WHRN: variants seen among roughly 807,000 people sequenced by gnomAD.
WHRN encodes the protein whirlin.
A neutral mutation model predicts 68.3 loss-of-function variants in WHRN; 41 were observed. The observed-to-expected ratio is 0.60, with a 90% confidence interval of 0.47 to 0.78. The LOEUF (loss-of-function observed/expected upper bound fraction) is 0.78. Ranked by LOEUF, WHRN falls within the 30% of genes least tolerant of loss-of-function variation. The pLI is 0.00. For missense variants in WHRN, 1,243 were observed against 1,244.7 expected (o/e 1.00, Z 0.02); for synonymous variants, 560 against 561.3 (o/e 1.00, Z 0.03).
chr9:114,419,078 G>T (rs978560734), intron 7 of WHRN, among the ~76,000 whole-genome samples: 1 of 152,192 alleles, frequency 6.6e-6, no homozygotes, highest in Non-Finnish European at 1.5e-5. Flanking sequence ...GCTTAACAGG[G>T]AGCTGGTGAG....
intron 1 of WHRN, among the ~76,000 whole-genome samples, chr9:114,490,521 T>G (rs1231086288): frequency 6.6e-6 from 1 of 150,836 alleles, no homozygotes; most frequent in Non-Finnish European, 1.5e-5. Context: ...AAAGAAAAAG[T>G]TTTTTTTAAA....
At chr9:114,431,616 G>C (rs1294736621) in intron 3 of WHRN, among the ~76,000 whole-genome samples, 1 of 152,074 alleles carries the variant, frequency 6.6e-6, no homozygotes, top group Non-Finnish European at 1.5e-5. Flanking sequence ...GTTGGTGTGA[G>C]TGAATTTGGA....
chr9:114,425,385 T>G, intron 4 of WHRN: 2 of 575,728 alleles, frequency 3.5e-6, no homozygotes, highest in Non-Finnish European at 6.2e-6. Flanking sequence ...TAGGGGCCGG[T>G]GAACTGGAGA....
chr9:114,473,818 A>G (rs974842036), intron 2 of WHRN, among the ~76,000 whole-genome samples: 2 of 152,238 alleles, frequency 1.3e-5, no homozygotes, highest in Non-Finnish European at 2.9e-5. Flanking sequence ...CAAGGGCCCC[A>G]GGCTGAGCCA....
At chr9:114,423,578 C>G (rs1255700974) in intron 6 of WHRN, 55 bp from the exon 7 acceptor site, 2 of 1,524,808 alleles carry the variant, frequency 1.3e-6, no homozygotes, top group African/African-American at 2.8e-5. Flanking sequence ...GAAGGTGGAA[C>G]AGGGGCCCTG....
chr9:114,477,899 G>C (rs1841783066), intron 2 of WHRN, among the ~76,000 whole-genome samples: 1 of 152,168 alleles, frequency 6.6e-6, no homozygotes, highest in East Asian at 1.9e-4. Context: ...AGGCCAGTGG[G>C]AAGTTTGGTG....
At position 114,504,276 on chromosome 9, in the gene WHRN, G is replaced by A; in HGVS notation, c.526C>T (p.Leu176=). The A allele has an allele frequency of 6.2e-7, 1 of 1,614,064 alleles. No individual in the cohort carries two copies. The highest frequency in any genetic ancestry group is 8.5e-7 in the Non-Finnish European group (1 of 1,180,042). ...ACCCGCAGTCCTTCCTTCTCAGCTAGAGAGCCTGGTTCCACCAGAGACACG... is the reference window on the plus strand; with the variant it reads ...ACCCGCAGTCCTTCCTTCTCAGCTAAAGAGCCTGGTTCCACCAGAGACACG... ...IYVSLVEPGS[L]AEKEGLRVGD... The change falls in exon 1 of 12, where the codon CTA becomes TTA. Residue 176 remains leucine (L), a synonymous_variant. Coordinates refer to ENST00000362057, the MANE Select transcript of WHRN (RefSeq NM_015404.4).
chr9:114,489,604 T>G (rs983024380), intron 1 of WHRN, among the ~76,000 whole-genome samples: 1 of 152,206 alleles, frequency 6.6e-6, no homozygotes, highest in Non-Finnish European at 1.5e-5. Context: ...CTCACTCCAT[T>G]ACTTTTGACT....
chr9:114,492,845 C>T (rs1177750331), intron 1 of WHRN, among the ~76,000 whole-genome samples: 1 of 151,996 alleles, frequency 6.6e-6, no homozygotes, highest in African/African-American at 2.4e-5. Context: ...AATACACACA[C>T]ACACACAAAT....
intron 7 of WHRN, among the ~76,000 whole-genome samples, chr9:114,409,084 G>T (rs1835243084): frequency 1.3e-5 from 2 of 152,262 alleles, no homozygotes; most frequent in South Asian, 4.1e-4. Flanking sequence ...CTCCATCATT[G>T]CGTGGGCCAA....
intron 1 of WHRN, chr9:114,502,978 C>T: frequency 4.0e-6 from 1 of 251,104 alleles, no homozygotes; most frequent in Non-Finnish European, 6.3e-6. Context: ...ACCGATCGGC[C>T]TTTTTCCAGA....
chr9:114,457,964 C>G (rs1338091027), intron 3 of WHRN, among the ~76,000 whole-genome samples: 2 of 150,764 alleles, frequency 1.3e-5, no homozygotes, highest in Non-Finnish European at 2.9e-5. Flanking sequence ...AAAGGATTTT[C>G]TGTGTGTGGT....
rs549195233 is a variant in WHRN at position 114,402,717 on chromosome 9, G to C, written c.*37C>G. On this transcript the variant is annotated 3_prime_UTR_variant, in exon 12 of 12. Coordinates refer to ENST00000362057, the MANE Select transcript of WHRN (RefSeq NM_015404.4). ...ACGGTGGAAAGGGACTGGGACCAGG[G>C]GCTGGGCAGTGGTGGGAGGCCCTCA... is the stretch of plus-strand genomic sequence containing the variant. 1.0e-3 allele frequency: 1,607 copies of C among 1,612,544 alleles called. 22 individuals carry two copies. The South Asian group carries it at 0.017, about 17-fold the overall frequency.
In WHRN at chr9:114,504,869, A is replaced by G. The variant is rs1844273691; in HGVS notation, c.-68T>C. On this transcript the variant is annotated 5_prime_UTR_variant, in exon 1 of 12. Coordinates refer to ENST00000362057, the MANE Select transcript of WHRN (RefSeq NM_015404.4). Reference sequence around the variant, plus strand: ...GGGCGGTGCCGCTGTCCTCGCGGGTACTGGCGCGACAGCTGGATCCCCGGG... The same window carrying G: ...GGGCGGTGCCGCTGTCCTCGCGGGTGCTGGCGCGACAGCTGGATCCCCGGG... 19 of 1,335,594 alleles carry G rather than the reference A, an allele frequency of 1.4e-5. 1 individual carries two copies. The South Asian group carries it at 3.5e-4, about 25-fold the overall frequency. 82.7% of individuals were successfully genotyped at this position (1,335,594 alleles called of 1,614,324 possible).
rs760297351 is a variant in WHRN, at chr9:114,426,266, C to T, written c.1111G>A (p.Glu371Lys). The change falls in exon 4 of 12, where the codon GAG becomes AAG. Residue 371 changes from glutamate to lysine, a missense_variant. Glu to Lys is a moderately conservative substitution (Grantham distance 56, BLOSUM62 1). Transcript: ENST00000362057. Reference protein sequence around the residue: ...RLPHARTTVDETKWIASSRIR... With the variant: ...RLPHARTTVDKTKWIASSRIR... Reference sequence around the variant, plus strand: ...CGGGAACTGGCGATCCACTTGGTCTCGTCCACAGTGGTGCGGGCATGGGGC... The same window carrying T: ...CGGGAACTGGCGATCCACTTGGTCTTGTCCACAGTGGTGCGGGCATGGGGC... 1.2e-5 allele frequency: 19 copies of T among 1,612,962 alleles called. No homozygotes were observed. Among genetic ancestry groups the T allele is most frequent in the African/African-American group, 2.7e-5 (2 of 74,910 alleles).
intron 9 of WHRN, among the ~76,000 whole-genome samples, chr9:114,404,676 G>C (rs1048861299): frequency 6.6e-6 from 1 of 152,146 alleles, no homozygotes; most frequent in African/African-American, 2.4e-5. Context: ...TGGCAGGTCA[G>C]GTTTGAATTC....
rs571597026 is a variant in WHRN at position 114,426,383 on chromosome 9, G to T, written c.994C>A (p.Arg332=). The T allele has an allele frequency of 6.2e-7, 1 of 1,613,442 alleles. No individual in the cohort carries two copies. Among genetic ancestry groups the T allele is most frequent in the African/African-American group, 1.3e-5 (1 of 74,706 alleles). ...TCGTGTAGGATGTTGAGAAAGCTCCGCCCATTCACTTCTAGAATCTGGTCC... is the reference window on the plus strand; with the variant it reads ...TCGTGTAGGATGTTGAGAAAGCTCCTCCCATTCACTTCTAGAATCTGGTCC... The part of the protein sequence containing the change: ...VGDQILEVNG[R]SFLNILHDEA... The change falls in exon 4 of 12, where the codon CGG becomes AGG. Residue 332 remains arginine (R), a synonymous_variant. Coordinates refer to ENST00000362057, the MANE Select transcript of WHRN (RefSeq NM_015404.4).
rs535824970 is a variant in WHRN at position 114,491,292 on chromosome 9, A to T, written c.619-12521T>A. Among the ~76,000 whole-genome samples, 3 of 152,354 alleles carry T rather than the reference A, an allele frequency of 2.0e-5. No individual in the cohort carries two copies. The South Asian group carries it at 6.2e-4, about 32-fold the overall frequency. On this transcript the variant is annotated intron_variant, in intron 1 of 11. Transcript: ENST00000362057. ...TCCAATTTAATTCAAGCTCAGATGAAAAATCTGAATTCAAGGTGGATTAAT... is the reference window on the plus strand; with the variant it reads ...TCCAATTTAATTCAAGCTCAGATGATAAATCTGAATTCAAGGTGGATTAAT...
At chr9:114,430,413 T>C (rs1276328548) in intron 3 of WHRN, among the ~76,000 whole-genome samples, 2 of 152,186 alleles carry the variant, frequency 1.3e-5, no homozygotes, top group Non-Finnish European at 2.9e-5. Context: ...TAAATGAGCA[T>C]CCTGTGTTTT....
Sources: gnomAD v4.1 joint callset for allele counts (sites outside exome capture counted in the v4.1 genomes callset) on GRCh38, gnomAD v4.1.1 for gene constraint, MANE v1.5 for transcripts, NCBI Gene and HGNC (gene_info 2026-07-23, HGNC 2026-07-21) for gene names.